FAM107A: variants seen among roughly 807,000 people sequenced by gnomAD.
The protein encoded by FAM107A is actin-associated protein FAM107A.
Under a neutral mutation model 13.7 loss-of-function variants are expected in FAM107A, and 19 were observed. The observed-to-expected ratio is 1.38, with a 90% CI of 0.97 to 2.03. FAM107A has a LOEUF of 2.03. FAM107A is among the 30% of genes most tolerant of loss of function. The pLI, the probability that FAM107A is intolerant of heterozygous loss-of-function variation, is 0.00. For synonymous variants in FAM107A, 82 were observed against 74.5 expected, an observed-to-expected ratio of 1.10 and a Z score of -0.52; for missense variants, 203 against 184.4, an observed-to-expected ratio of 1.10 and a Z score of -0.58.
chr3:58,587,754 C>T (rs1024630098), upstream of FAM107A, among the ~76,000 whole-genome samples: 2 of 152,048 alleles, frequency 1.3e-5, no homozygotes, highest in Admixed American at 1.3e-4. Flanking sequence ...AGGTGCCAGG[C>T]TCACCAGGGG....
In FAM107A at chr3:58,612,237, T is replaced by TA. The variant is rs1575455830; in HGVS notation, c.-70+15178_-70+15179insT. 3.3e-5 allele frequency among the ~76,000 whole-genome samples: 5 copies of TA among 151,774 alleles called. No homozygotes were observed. In the East Asian group the frequency reaches 7.7e-4, roughly 23 times the overall value. ...TAAATATCCAAAAATCAGGGATTGGTCAAAAAAACTGTGGCATGTTGGTAT... is the reference window on the plus strand; with the variant it reads ...TAAATATCCAAAAATCAGGGATTGGTACAAAAAAACTGTGGCATGTTGGTAT... On this transcript the variant is annotated intron_variant, in intron 1 of 3. Transcript: ENST00000465970.
At chr3:58,585,906 T>C (rs1310245315) in intron 1 of FAM107A, among the ~76,000 whole-genome samples, 1 of 152,238 alleles carries the variant, frequency 6.6e-6, no homozygotes, top group African/African-American at 2.4e-5. Context: ...AAAGGCTTAT[T>C]TCCTGAATAG....
At chr3:58,579,209 G>A (rs914068815), upstream of FAM107A, among the ~76,000 whole-genome samples, 1 of 152,150 alleles carries the variant, frequency 6.6e-6, no homozygotes, top group African/African-American at 2.4e-5. Context: ...CCAGTGGAAA[G>A]GCCCAGACTG....
upstream of FAM107A, among the ~76,000 whole-genome samples, chr3:58,580,443 C>CATT: frequency 8.0e-6 from 1 of 125,496 alleles, no homozygotes; most frequent in Non-Finnish European, 1.6e-5. Flanking sequence ...TGAGACAGAG[C>CATT]ATTACTCTGT....
At chr3:58,616,530 C>CACACAT (rs1559487508) in intron 1 of FAM107A, among the ~76,000 whole-genome samples, 1 of 103,468 alleles carries the variant, frequency 9.7e-6, no homozygotes, top group African/African-American at 3.5e-5. Flanking sequence ...GAGGAGAACA[C>CACACAT]ACACACACAC....
Position 58,606,704 on chromosome 3 carries a change from GAAAA to G in FAM107A, c.-69-17439_-69-17436del, listed in dbSNP as rs1382232396. Among the ~76,000 whole-genome samples, 5 of 152,352 alleles carry G rather than the reference GAAAA, an allele frequency of 3.3e-5. No homozygotes were observed. The East Asian group carries it at 9.6e-4, about 29-fold the overall frequency. ...TATTAAAGTCTTGTGGAACACACTG[GAAAA>G]TGTTGGACCACAGAGTACAGGCTAA... On this transcript the variant is annotated intron_variant, in intron 1 of 3. Coordinates refer to the FAM107A transcript ENST00000465970.
At chr3:58,587,002 C>T in exon 1 of FAM107A, 1 of 1,444,792 alleles carries the variant, frequency 6.9e-7, no homozygotes, top group South Asian at 1.4e-5. Context: ...GGAGCGTAGT[C>T]CGGAGCCGAA....
At position 58,567,204 on chromosome 3, in the gene FAM107A, C is replaced by A; in HGVS notation, c.327+4G>T. 1 of 1,614,184 alleles carries A rather than the reference C, an allele frequency of 6.2e-7. No individual in the cohort carries two copies. Among genetic ancestry groups the A allele is most frequent in the Non-Finnish European group, 8.5e-7 (1 of 1,180,022 alleles). On this transcript the variant is annotated splice_donor_region_variant and intron_variant, in intron 3 of 3. Coordinates refer to ENST00000360997, the MANE Select transcript of FAM107A (RefSeq NM_001076778.3). ...GTGGTCCCTGCTGGGTGCCCATCACCCACCTGGTTCAGCCTCTGCTGCCGT... is the reference window on the plus strand; with the variant it reads ...GTGGTCCCTGCTGGGTGCCCATCACACACCTGGTTCAGCCTCTGCTGCCGT...
intron 1 of FAM107A, among the ~76,000 whole-genome samples, chr3:58,584,701 G>C (rs1482832796): frequency 6.6e-6 from 1 of 152,110 alleles, no homozygotes; most frequent in African/African-American, 2.4e-5. Flanking sequence ...GAGACACTTC[G>C]GCGATGACAG....
intron 1 of FAM107A, among the ~76,000 whole-genome samples, chr3:58,571,448 CT>C (rs3838609): frequency 6.6e-6 from 1 of 151,884 alleles, no homozygotes; most frequent in East Asian, 1.9e-4. Flanking sequence ...ATTAACTTCC[CT>C]TTTTTTCTCA....
At chr3:58,611,820 G>A (rs2065857470) in intron 1 of FAM107A, among the ~76,000 whole-genome samples, 1 of 152,220 alleles carries the variant, frequency 6.6e-6, no homozygotes, top group Non-Finnish European at 1.5e-5. Context: ...GATGGTGCAC[G>A]TAAAGTATTT....
At chr3:58,619,041 C>T (rs2065929419) in intron 1 of FAM107A, among the ~76,000 whole-genome samples, 1 of 152,146 alleles carries the variant, frequency 6.6e-6, no homozygotes, top group African/African-American at 2.4e-5. Flanking sequence ...TATTCTGTCA[C>T]CCAGGATGGA....
At position 58,567,208 on chromosome 3, in the gene FAM107A, C is replaced by T. The variant is rs1271868435; in HGVS notation, c.327G>A (p.Gln109=). ...ELLRRQQRLN[Q]LEKPPEKEED... The stretch of plus-strand genomic sequence containing the variant: ...TCCCTGCTGGGTGCCCATCACCCAC[C>T]TGGTTCAGCCTCTGCTGCCGTCTCA... Residue 109 remains glutamine (Q), a splice_region_variant and synonymous_variant, in exon 3 of 4, where the codon CAG becomes CAA. Coordinates refer to ENST00000360997, the MANE Select transcript of FAM107A (RefSeq NM_001076778.3). The T allele has an allele frequency of 6.2e-7, 1 of 1,614,086 alleles. No homozygotes were observed. The highest frequency in any genetic ancestry group is 1.3e-5 in the African/African-American group (1 of 74,938).
chr3:58,590,401 G>A (rs1346619377), upstream of FAM107A, among the ~76,000 whole-genome samples: 1 of 152,158 alleles, frequency 6.6e-6, no homozygotes, highest in South Asian at 2.1e-4. Context: ...CTTCTCCCAG[G>A]CCTCCATGCC....
chr3:58,570,987 T>G (rs955900168), intron 1 of FAM107A, among the ~76,000 whole-genome samples: 1 of 152,240 alleles, frequency 6.6e-6, no homozygotes, highest in Admixed American at 6.5e-5. Context: ...AGGGCCACCA[T>G]GTTGCCTGTG....
chr3:58,600,386 G>A (rs764512227), intron 1 of FAM107A, among the ~76,000 whole-genome samples: 4 of 152,162 alleles, frequency 2.6e-5, no homozygotes, highest in Non-Finnish European at 5.9e-5. Context: ...CTGCTCATGC[G>A]ACAGGCTTTG....
chr3:58,569,846 G>C lies in FAM107A; in HGVS notation c.15C>G (p.Ile5Met). 1 of 1,614,036 alleles carries C rather than the reference G, an allele frequency of 6.2e-7. No individual in the cohort carries two copies. The highest frequency in any genetic ancestry group is 8.5e-7 in the Non-Finnish European group (1 of 1,179,990). ...CCCCAATGTCTGCCCGCTCCCTCTG[G>C]ATCTCCGAGTACATGGCGGCTGTAG... is the stretch of plus-strand genomic sequence containing the variant. MYSE[I>M]QRERADIGGL... Residue 5 changes from isoleucine (I) to methionine (M), a missense_variant, in exon 2 of 4, where the codon ATC becomes ATG. Ile to Met is a conservative substitution (Grantham distance 10). Coordinates refer to ENST00000360997, the MANE Select transcript of FAM107A (RefSeq NM_001076778.3). This position sits in a 1 kb window ranked among gnomAD's most constrained non-coding sequence, Gnocchi z 5.7.
intron 1 of FAM107A, among the ~76,000 whole-genome samples, chr3:58,621,066 T>C (rs1211690633): frequency 9.9e-5 from 15 of 152,134 alleles, no homozygotes; most frequent in Non-Finnish European, 1.5e-4. Flanking sequence ...GGTGGCGGCA[T>C]GGTTCCCAGG....
chr3:58,582,955 C>T (rs761143193), intron 1 of FAM107A, among the ~76,000 whole-genome samples: 52 of 152,090 alleles, frequency 3.4e-4, no homozygotes, highest in Non-Finnish European at 6.8e-4. Context: ...CCTGCCATCA[C>T]GCCTAGCTAA....
Sources: allele counts gnomAD v4.1 joint callset (sites outside exome capture counted in the v4.1 genomes callset), GRCh38; gene constraint gnomAD v4.1.1; non-coding constraint Gnocchi (gnomAD v3.1); transcripts MANE v1.5; gene names NCBI Gene and HGNC (gene_info 2026-07-23, HGNC 2026-07-21).